HCN1: variants seen among roughly 807,000 people sequenced by gnomAD.
The protein encoded by HCN1 is hyperpolarization activated cyclic nucleotide gated potassium channel 1, also known as potassium/sodium hyperpolarization-activated cyclic nucleotide-gated channel 1.
In HCN1, 13 loss-of-function variants were observed where a neutral mutation model predicts 78.9. That is an observed-to-expected ratio of 0.16 (90% CI 0.11 to 0.26). HCN1 has a LOEUF of 0.26. HCN1 is among the 10% of genes least tolerant of loss of function. The pLI, the probability that HCN1 is intolerant of heterozygous loss-of-function variation, is 1.00. For missense variants in HCN1, 810 were observed against 1,154.3 expected (o/e 0.70, Z 4.32); for synonymous variants, 552 against 455.5 (o/e 1.21, Z -2.70).
At chr5:45,307,484 G>A (rs1745759853) in intron 5 of HCN1, among the ~76,000 whole-genome samples, 1 of 152,112 alleles carries the variant, frequency 6.6e-6, no homozygotes, top group African/African-American at 2.4e-5. Flanking sequence ...GCTAAATCAT[G>A]TTGGTAGCAT....
At chr5:45,305,917 C>T (rs2111908607) in intron 5 of HCN1, among the ~76,000 whole-genome samples, 1 of 151,946 alleles carries the variant, frequency 6.6e-6, no homozygotes. Flanking sequence ...AAAAAGTACT[C>T]ATAAAGACTA....
chr5:45,663,776 T>A (rs1261016137), intron 1 of HCN1, among the ~76,000 whole-genome samples: 2 of 151,530 alleles, frequency 1.3e-5, no homozygotes, highest in African/African-American at 4.9e-5. Context: ...TCACACCAGT[T>A]AGAATGGCAA....
At chr5:45,562,651 G>A (rs1354721584) in intron 2 of HCN1, among the ~76,000 whole-genome samples, 1 of 152,138 alleles carries the variant, frequency 6.6e-6, no homozygotes, top group Non-Finnish European at 1.5e-5. Context: ...AATTCCTTGA[G>A]ATGAATCCTG....
chr5:45,392,592 T>C (rs182813745), intron 4 of HCN1, among the ~76,000 whole-genome samples: 2 of 152,194 alleles, frequency 1.3e-5, no homozygotes, highest in East Asian at 1.9e-4. Context: ...ACCCTAGCAC[T>C]TTGGGAGACC....
At chr5:45,622,856 G>C (rs1400396552) in intron 2 of HCN1, among the ~76,000 whole-genome samples, 4 of 152,110 alleles carry the variant, frequency 2.6e-5, no homozygotes, top group Non-Finnish European at 5.9e-5. Context: ...GTAAGTAGTC[G>C]ATAGAACAAT....
At chr5:45,549,103 A>C (rs2111849497) in intron 2 of HCN1, among the ~76,000 whole-genome samples, 1 of 152,162 alleles carries the variant, frequency 6.6e-6, no homozygotes, top group African/African-American at 2.4e-5. Context: ...TGCCATCCCC[A>C]TCAAGCTACC....
At position 45,304,483 on chromosome 5, in the gene HCN1, C is replaced by T. The variant is rs542102050; in HGVS notation, c.1378-644G>A. Among the ~76,000 whole-genome samples the T allele has an allele frequency of 5.5e-4, 84 of 152,142 alleles. 1 individual carries two copies. The highest frequency in any genetic ancestry group is 4.2e-3 in the South Asian group (20 of 4,818). ...ACGAGGTCAGGAGTTCAAGACCAGCCTGGTCAAGATAGTGAAACCCTGTCT... is the reference window on the plus strand; with the variant it reads ...ACGAGGTCAGGAGTTCAAGACCAGCTTGGTCAAGATAGTGAAACCCTGTCT... On this transcript the variant is annotated intron_variant, in intron 5 of 7. Coordinates refer to ENST00000303230, the MANE Select transcript of HCN1 (RefSeq NM_021072.4).
chr5:45,655,413 T>C (rs1376849514), intron 1 of HCN1, among the ~76,000 whole-genome samples: 1 of 152,144 alleles, frequency 6.6e-6, no homozygotes, highest in African/African-American at 2.4e-5. Context: ...CAGAAAATTA[T>C]ACAAATTGAT....
chr5:45,363,123 T>C (rs1387276173), intron 4 of HCN1, among the ~76,000 whole-genome samples: 2 of 133,048 alleles, frequency 1.5e-5, no homozygotes, highest in South Asian at 2.5e-4. Context: ...ATATTATATA[T>C]ATAACATATT....
chr5:45,388,549 C>A lies in HCN1; in HGVS notation c.1230+7943G>T, dbSNP rs537800270. Among the ~76,000 whole-genome samples, 10 of 152,160 alleles carry A rather than the reference C, an allele frequency of 6.6e-5. No individual in the cohort carries two copies. In the East Asian group the frequency reaches 1.9e-3, roughly 29 times the overall value. On this transcript the variant is annotated intron_variant, in intron 4 of 7. Transcript: ENST00000303230. The stretch of plus-strand genomic sequence containing the variant: ...TGTTGGAAACACAAATTCTCAAGCC[C>A]CACTGCAAATTTAATGAAGCAGAAA...
intron 3 of HCN1, among the ~76,000 whole-genome samples, chr5:45,456,505 C>T (rs1741033194): frequency 6.6e-6 from 1 of 151,842 alleles, no homozygotes; most frequent in Non-Finnish European, 1.5e-5. Context: ...CAGATTCCTT[C>T]AAATCACAAC....
At chr5:45,605,968 G>A (rs1287165142) in intron 2 of HCN1, among the ~76,000 whole-genome samples, 1 of 149,144 alleles carries the variant, frequency 6.7e-6, no homozygotes, top group African/African-American at 2.4e-5. Flanking sequence ...AAAATTCAAA[G>A]GTAAGCATAC....
chr5:45,518,612 C>A (rs1449548552), intron 2 of HCN1, among the ~76,000 whole-genome samples: 1 of 151,974 alleles, frequency 6.6e-6, no homozygotes, highest in African/African-American at 2.4e-5. Context: ...TAGAAGAGAC[C>A]ATTTGATGGA....
intron 6 of HCN1, among the ~76,000 whole-genome samples, chr5:45,279,469 A>T (rs1745120052): frequency 6.6e-6 from 1 of 152,136 alleles, no homozygotes; most frequent in African/African-American, 2.4e-5. Context: ...GACTTTCCAA[A>T]AAGATAAAAG....
chr5:45,419,851 T>C (rs1740192122), intron 3 of HCN1, among the ~76,000 whole-genome samples: 1 of 152,210 alleles, frequency 6.6e-6, no homozygotes, highest in Admixed American at 6.5e-5. Context: ...CCTGATCTCC[T>C]CTTTAGTCCC....
chr5:45,376,286 G>T (rs1296700872), intron 4 of HCN1, among the ~76,000 whole-genome samples: 8 of 6,954 alleles, frequency 1.2e-3, no homozygotes, highest in African/African-American at 3.8e-3. Flanking sequence ...AGAATATATA[G>T]ATATATATTG....
At chr5:45,551,907 T>C (rs1437581490) in intron 2 of HCN1, among the ~76,000 whole-genome samples, 2 of 151,956 alleles carry the variant, frequency 1.3e-5, no homozygotes, top group Non-Finnish European at 2.9e-5. Context: ...TTAGCCAAAA[T>C]GGTAATAGAT....
At chr5:45,307,172 T>C (rs1019631674) in intron 5 of HCN1, among the ~76,000 whole-genome samples, 2 of 152,034 alleles carry the variant, frequency 1.3e-5, no homozygotes, top group Non-Finnish European at 2.9e-5. Context: ...AAACCCAAAG[T>C]ATAAAATAAA....
intron 2 of HCN1, among the ~76,000 whole-genome samples, chr5:45,598,651 T>C (rs1015676160): frequency 2.0e-5 from 3 of 151,956 alleles, no homozygotes; most frequent in African/African-American, 7.3e-5. Context: ...TGGAAGAAAA[T>C]TTTTGCAATC....
Sources: gnomAD v4.1 joint callset for allele counts (sites outside exome capture counted in the v4.1 genomes callset) on GRCh38, gnomAD v4.1.1 for gene constraint, MANE v1.5 for transcripts, NCBI Gene and HGNC (gene_info 2026-07-23, HGNC 2026-07-21) for gene names.